The following KCNK10 variants were observed in gnomAD, a reference collection of about 807,000 sequenced individuals.
KCNK10 encodes the protein potassium two pore domain channel subfamily K member 10, also known as potassium channel subfamily K member 10.
KCNK10 carries 25 observed loss-of-function variants against 47.7 expected under a neutral mutation model. The ratio of observed to expected loss-of-function variants is 0.52; its 90% CI spans 0.38 to 0.73. The LOEUF (loss-of-function observed/expected upper bound fraction) is 0.73. Ranked by LOEUF, KCNK10 falls within the 30% of genes least tolerant of loss-of-function variation. KCNK10 has a pLI of 0.00. For synonymous variants in KCNK10, 303 were observed against 285.6 expected, an observed-to-expected ratio of 1.06 and a Z score of -0.61; for missense variants, 563 against 714.5, an observed-to-expected ratio of 0.79 and a Z score of 2.42.
At chr14:88,310,617 C>T (rs185442939) in intron 1 of KCNK10, among the ~76,000 whole-genome samples, 17 of 152,252 alleles carry the variant, frequency 1.1e-4, no homozygotes, top group African/African-American at 3.6e-4. Flanking sequence ...CAGGCATTCA[C>T]GCTCCTATAG....
intron 1 of KCNK10, among the ~76,000 whole-genome samples, chr14:88,311,508 T>C (rs1454289009): frequency 6.6e-6 from 1 of 152,144 alleles, no homozygotes; most frequent in Non-Finnish European, 1.5e-5. Flanking sequence ...ATTGCCTTTC[T>C]CTGTTCATTT....
At chr14:88,203,594 T>A (rs1885171400) in intron 4 of KCNK10, among the ~76,000 whole-genome samples, 1 of 152,228 alleles carries the variant, frequency 6.6e-6, no homozygotes, top group African/African-American at 2.4e-5. Flanking sequence ...AAAGTCTTGT[T>A]ACAATGTACA....
intron 1 of KCNK10, among the ~76,000 whole-genome samples, chr14:88,293,251 C>T (rs909637209): frequency 6.6e-6 from 1 of 152,140 alleles, no homozygotes; most frequent in Non-Finnish European, 1.5e-5. Context: ...ATTCATATAT[C>T]CATGAATATA....
chr14:88,287,683 GT>G (rs1887793740), intron 1 of KCNK10, among the ~76,000 whole-genome samples: 1 of 12,556 alleles, frequency 8.0e-5, no homozygotes, highest in African/African-American at 1.8e-4. Context: ...TGGTGTGTGT[GT>G]GTGTGTGTGT....
intron 1 of KCNK10, among the ~76,000 whole-genome samples, chr14:88,291,128 A>G (rs1373408045): frequency 6.6e-6 from 1 of 152,244 alleles, no homozygotes; most frequent in African/African-American, 2.4e-5. Flanking sequence ...AGAACTGTAA[A>G]TAGTGGGAAA....
intron 4 of KCNK10, among the ~76,000 whole-genome samples, chr14:88,217,037 G>A (rs1885643901): frequency 6.6e-6 from 1 of 152,140 alleles, no homozygotes; most frequent in South Asian, 2.1e-4. Context: ...CGCGCCTGTA[G>A]CCGCAGCTAC....
rs1886240994 is a variant in KCNK10, at chr14:88,234,464, A to C, written c.520+6239T>G. On this transcript the variant is annotated intron_variant, in intron 3 of 6. Coordinates refer to ENST00000319231, the MANE Select transcript of KCNK10 (RefSeq NM_138317.3). ...ATAGGTCCTGAAGGCTAGATCTTAA[A>C]ACAAAAGCAAAAACCTGTGCCGCTA... is the stretch of plus-strand genomic sequence containing the variant. 2.6e-5 allele frequency among the ~76,000 whole-genome samples: 4 copies of C among 152,334 alleles called. No individual in the cohort carries two copies. The South Asian group carries it at 8.3e-4, about 32-fold the overall frequency.
intron 1 of KCNK10, among the ~76,000 whole-genome samples, chr14:88,268,693 C>CT (rs1386650834): frequency 1.3e-5 from 2 of 152,152 alleles, no homozygotes; most frequent in Non-Finnish European, 2.9e-5. Context: ...CAGTGGAGTT[C>CT]TTCCCTACAA....
At chr14:88,224,005 A>G (rs1456020944) in intron 4 of KCNK10, among the ~76,000 whole-genome samples, 1 of 143,608 alleles carries the variant, frequency 7.0e-6, no homozygotes, top group Non-Finnish European at 1.5e-5. Flanking sequence ...ACACAGTGAA[A>G]TCCCATCTCC....
In KCNK10 at chr14:88,310,607, C is replaced by G. The variant is rs146001843; in HGVS notation, c.52+12140G>C. On this transcript the variant is annotated intron_variant, in intron 1 of 6. Transcript: ENST00000319231. The stretch of plus-strand genomic sequence containing the variant: ...AATGCAGAGATTATTGCCTGAGCAG[C>G]AGGCATTCACGCTCCTATAGAAACT... 7.8e-4 allele frequency among the ~76,000 whole-genome samples: 119 copies of G among 152,276 alleles called. 2 individuals are homozygous for G. The highest frequency in any genetic ancestry group is 1.5e-3 in the South Asian group (7 of 4,818).
chr14:88,252,053 T>C (rs538719153), intron 2 of KCNK10, among the ~76,000 whole-genome samples: 1 of 152,186 alleles, frequency 6.6e-6, no homozygotes, highest in African/African-American at 2.4e-5. Flanking sequence ...ATAAGTAGGG[T>C]CACTATATAT....
At chr14:88,272,810 C>T (rs1384634238) in intron 1 of KCNK10, among the ~76,000 whole-genome samples, 2 of 151,980 alleles carry the variant, frequency 1.3e-5, no homozygotes, top group African/African-American at 2.4e-5. Flanking sequence ...ATTATGAGGC[C>T]TCAACTCAGG....
rs540657613 is a variant in KCNK10, at chr14:88,257,202, C to A, written c.402+6000G>T. On this transcript the variant is annotated intron_variant, in intron 2 of 6. Transcript: ENST00000319231. ...TCTTCCTTCTTCCCGTTTCTCCTTC[C>A]TCCAACCCAACTTCCTCATTGCTAA... is the stretch of plus-strand genomic sequence containing the variant. 3.3e-5 allele frequency among the ~76,000 whole-genome samples: 5 copies of A among 152,278 alleles called. No homozygotes were observed. The South Asian group carries it at 1.0e-3, about 32-fold the overall frequency.
chr14:88,310,465 A>T (rs537894052), intron 1 of KCNK10, among the ~76,000 whole-genome samples: 1 of 152,202 alleles, frequency 6.6e-6, no homozygotes, highest in African/African-American at 2.4e-5. Context: ...GATTGTAGGC[A>T]TCCTGATAGT....
intron 1 of KCNK10, among the ~76,000 whole-genome samples, chr14:88,264,263 T>C (rs1385297509): frequency 6.6e-6 from 1 of 152,188 alleles, no homozygotes; most frequent in Non-Finnish European, 1.5e-5. Context: ...ACTTTGGAAA[T>C]AAATAGGTTC....
chr14:88,243,937 T>C (rs183263862), intron 2 of KCNK10, among the ~76,000 whole-genome samples: 2 of 151,564 alleles, frequency 1.3e-5, no homozygotes, highest in Admixed American at 1.3e-4. Context: ...AAATGGCCAA[T>C]GCACCCAAAT....
Position 88,185,188 on chromosome 14 carries a change from A to C in KCNK10, c.*347T>G. ...AAAAGACACACCTGTTTCTTTCAGG[A>C]GGCTGGTCTAAGGAATAGCTGCCCT... On this transcript the variant is annotated 3_prime_UTR_variant, in exon 7 of 7. Coordinates refer to ENST00000319231, the MANE Select transcript of KCNK10 (RefSeq NM_138317.3). The surrounding 1 kb of genome is among the most constrained non-coding windows in gnomAD (Gnocchi z 4.3). 4.2e-6 allele frequency: 1 copy of C among 236,310 alleles called. No homozygotes were observed. The highest frequency in any genetic ancestry group is 8.3e-6 in the Non-Finnish European group (1 of 120,710). 14.6% of individuals were successfully genotyped at this position (236,310 alleles called of 1,614,324 possible). A position where few individuals can be genotyped will look rare whatever the true frequency, so the allele number is the denominator to read the frequency against.
chr14:88,282,237 T>C (rs1887666920), intron 1 of KCNK10, among the ~76,000 whole-genome samples: 1 of 151,948 alleles, frequency 6.6e-6, no homozygotes, highest in Non-Finnish European at 1.5e-5. Context: ...CAACCAGAGG[T>C]TGTAAATAAC....
At chr14:88,219,142 TC>T (rs1208391716) in intron 4 of KCNK10, among the ~76,000 whole-genome samples, 2 of 151,860 alleles carry the variant, frequency 1.3e-5, no homozygotes, top group African/African-American at 4.8e-5. Context: ...ATAGTAGTAT[TC>T]CCCCCGAAGA....
Sources: gnomAD v4.1 joint callset for allele counts (sites outside exome capture counted in the v4.1 genomes callset) on GRCh38, gnomAD v4.1.1 for gene constraint, Gnocchi (gnomAD v3.1) non-coding constraint, MANE v1.5 for transcripts, NCBI Gene and HGNC (gene_info 2026-07-23, HGNC 2026-07-21) for gene names.